Variants in CDK12 observed in about 807,000 individuals in gnomAD.
CDK12 encodes cyclin dependent kinase 12, also known as cyclin-dependent kinase 12.
A neutral mutation model predicts 133.8 loss-of-function variants in CDK12; 17 were observed. The observed-to-expected ratio is 0.13, with a 90% CI of 0.09 to 0.19. The LOEUF is 0.19. Ranked by LOEUF, CDK12 falls within the 10% of genes least tolerant of loss-of-function variation. The pLI, the probability that CDK12 is intolerant of heterozygous loss-of-function variation, is 1.00. For missense variants in CDK12, 1,508 were observed against 1,818.7 expected, an observed-to-expected ratio of 0.83 and a Z score of 3.11; for synonymous variants, 694 against 683.6, an observed-to-expected ratio of 1.02 and a Z score of -0.24.
intron 2 of CDK12, among the ~76,000 whole-genome samples, chr17:39,475,763 T>C (rs931439418): frequency 6.6e-6 from 1 of 151,716 alleles, no homozygotes; most frequent in Non-Finnish European, 1.5e-5. Context: ...GCCAGGCTGG[T>C]CTCGAACTCC....
chr17:39,542,703 T>C (rs1334277147), intron 1 of CDK12, among the ~76,000 whole-genome samples: 2 of 151,574 alleles, frequency 1.3e-5, no homozygotes, highest in Non-Finnish European at 2.9e-5. Context: ...AGAGATGGGG[T>C]TTCACCATGT....
chr17:39,466,201 G>A (rs1031734937), intron 1 of CDK12, among the ~76,000 whole-genome samples: 6 of 151,806 alleles, frequency 4.0e-5, no homozygotes, highest in African/African-American at 1.2e-4. Flanking sequence ...CCAGCTACTC[G>A]GGAGGCTGAG....
At chr17:39,512,264 T>C (rs11868837) in intron 8 of CDK12, among the ~76,000 whole-genome samples, 1,819 of 152,270 alleles carry the variant, frequency 0.012, 19 homozygotes, top group Non-Finnish European at 0.019. Flanking sequence ...TTATCTTTTT[T>C]ACTTTTAGCA....
At chr17:39,548,374 T>G (rs2055812418), upstream of CDK12, among the ~76,000 whole-genome samples, 1 of 152,204 alleles carries the variant, frequency 6.6e-6, no homozygotes, top group Non-Finnish European at 1.5e-5. Flanking sequence ...CTTGCACAGG[T>G]GCATCTCTCC....
At position 39,487,607 on chromosome 17, in the gene CDK12, ATTTTTTTTTTTTT is replaced by A. The variant is rs887590343; in HGVS notation, c.1932-2935_1932-2923del. 7.3e-5 allele frequency among the ~76,000 whole-genome samples: 7 copies of A among 96,366 alleles called. No homozygotes were observed. In the East Asian group the frequency reaches 7.5e-4, roughly 10 times the overall value. The allele number at this position is 96,366 out of a possible 152,430, so 63.2% of individuals were successfully genotyped here. On this transcript the variant is annotated intron_variant, in intron 2 of 13. Coordinates refer to ENST00000447079, the MANE Select transcript of CDK12 (RefSeq NM_016507.4). Reference sequence around the variant, plus strand: ...TTTTTCTGAGGATGTGCATGACACAATTTTTTTTTTTTTTTTTTTTTTTTTTTGAGATAAAGTC... The same window carrying A: ...TTTTTCTGAGGATGTGCATGACACAATTTTTTTTTTTTTTGAGATAAAGTC...
chr17:39,488,046 CAA>C (rs1313724329), intron 2 of CDK12, among the ~76,000 whole-genome samples: 1 of 151,956 alleles, frequency 6.6e-6, no homozygotes, highest in African/African-American at 2.4e-5. Flanking sequence ...CTAGCCTGGG[CAA>C]TATGGCAAGA....
At chr17:39,482,598 C>CTTTTTTTTT (rs1440834572) in intron 2 of CDK12, among the ~76,000 whole-genome samples, 12 of 53,508 alleles carry the variant, frequency 2.2e-4, no homozygotes, top group South Asian at 1.7e-3. Flanking sequence ...CAATCAACTA[C>CTTTTTTTTT]ATTTTTTTTT....
intron 2 of CDK12, among the ~76,000 whole-genome samples, chr17:39,482,551 A>G (rs1264430619): frequency 8.2e-6 from 1 of 122,614 alleles, no homozygotes; most frequent in Non-Finnish European, 1.7e-5. Flanking sequence ...TCTTTTCTGT[A>G]TTGTTACGGT....
chr17:39,544,144 A>C, upstream of CDK12: 1 of 468,454 alleles, frequency 2.1e-6, no homozygotes, highest in South Asian at 1.6e-5. Context: ...CATCACCGTC[A>C]CTGTTACCTA....
chr17:39,531,346 C>T lies in CDK12; in HGVS notation c.*30C>T. The T allele has an allele frequency of 7.1e-7, 1 of 1,417,592 alleles. No homozygotes were observed. Among genetic ancestry groups the T allele is most frequent in the Non-Finnish European group, 9.2e-7 (1 of 1,082,590 alleles). The allele number at this position is 1,417,592 out of a possible 1,614,324, so 87.8% of individuals were successfully genotyped here. On this transcript the variant is annotated 3_prime_UTR_variant, in exon 14 of 14. Transcript: ENST00000447079. ...GAGACTTCAGTGTCCTGAAAGATTC[C>T]TTTCCTATCCATCCTTCCATCCAGT...
chr17:39,495,330 G>A (rs1468343173), intron 5 of CDK12, among the ~76,000 whole-genome samples: 3 of 149,436 alleles, frequency 2.0e-5, no homozygotes, highest in Admixed American at 1.3e-4. Flanking sequence ...CGCCCGCCTC[G>A]GCCCCTCGAA....
Position 39,531,300 on chromosome 17 carries a change from G to A in CDK12, c.4457G>A (p.Arg1486Lys). Residue 1486 changes from arginine to lysine, a missense_variant, in exon 14 of 14, where the codon AGA becomes AAA. Coordinates refer to ENST00000447079, the MANE Select transcript of CDK12 (RefSeq NM_016507.4). ...TRVPPRGGRG[R>K]GVPY ...GTCCCACCAAGAGGGGGAAGAGGGA[G>A]AGGAGTTCCTTACTAACCCAGAGAC... 2 of 1,490,744 alleles carry A rather than the reference G, an allele frequency of 1.3e-6. No homozygotes were observed. Among genetic ancestry groups the A allele is most frequent in the Non-Finnish European group, 1.8e-6 (2 of 1,123,288 alleles). The allele number at this position is 1,490,744 out of a possible 1,614,324, so 92.3% of individuals were successfully genotyped here.
intron 6 of CDK12, among the ~76,000 whole-genome samples, chr17:39,506,460 C>G (rs11078905): frequency 0.63 from 95,315 of 151,454 alleles, 32,707 homozygotes; most frequent in South Asian, 0.89. Context: ...AAGTGATCCA[C>G]CCACCTCAGC....
chr17:39,467,637 CTAAAACAG>C (rs936128111), intron 1 of CDK12, among the ~76,000 whole-genome samples: 1 of 152,148 alleles, frequency 6.6e-6, no homozygotes, highest in Non-Finnish European at 1.5e-5. Flanking sequence ...GTCATGCTGA[CTAAAACAG>C]TAGTACTTGG....
intron 2 of CDK12, among the ~76,000 whole-genome samples, chr17:39,474,621 G>T (rs2050041649): frequency 6.6e-6 from 1 of 151,902 alleles, no homozygotes; most frequent in Non-Finnish European, 1.5e-5. Context: ...GGCCAATATT[G>T]GTCATTTGAA....
At chr17:39,486,006 G>T (rs1484105071) in intron 2 of CDK12, among the ~76,000 whole-genome samples, 1 of 149,416 alleles carries the variant, frequency 6.7e-6, no homozygotes, top group Non-Finnish European at 1.5e-5. Context: ...AGGCTGGAGT[G>T]CAGTGGGGTG....
At chr17:39,481,329 CTT>C (rs569177170) in intron 2 of CDK12, among the ~76,000 whole-genome samples, 62 of 135,506 alleles carry the variant, frequency 4.6e-4, no homozygotes, top group Non-Finnish European at 8.1e-4. Context: ...TCTTCTTTCT[CTT>C]TTTTTTTTTT....
intron 3 of CDK12, among the ~76,000 whole-genome samples, chr17:39,492,013 TA>T (rs751681718): frequency 0.014 from 1,532 of 112,992 alleles, 25 homozygotes; most frequent in African/African-American, 0.045. Flanking sequence ...TGTAGAGTAC[TA>T]AAAAAAAAAA....
intron 6 of CDK12, among the ~76,000 whole-genome samples, chr17:39,505,882 A>G (rs749060600): frequency 6.6e-6 from 1 of 152,202 alleles, no homozygotes; most frequent in Non-Finnish European, 1.5e-5. Flanking sequence ...ACCAATTGCT[A>G]GATATACTAA....
Sources: gnomAD v4.1 joint callset for allele counts (sites outside exome capture counted in the v4.1 genomes callset) on GRCh38, gnomAD v4.1.1 for gene constraint, MANE v1.5 for transcripts, NCBI Gene and HGNC (gene_info 2026-07-23, HGNC 2026-07-21) for gene names.